The following TSPAN11 variants were observed in gnomAD, a reference collection of about 807,000 sequenced individuals.
TSPAN11 encodes the protein tetraspanin 11.
In TSPAN11, 29 loss-of-function variants were observed where a neutral mutation model predicts 32.9. The observed-to-expected ratio is 0.88, with a 90% CI of 0.66 to 1.20. The LOEUF (loss-of-function observed/expected upper bound fraction) is 1.20, where lower values mean the gene tolerates loss of function less well. Among genes scored for constraint, TSPAN11 ranks in the 50% most tolerant of loss-of-function variants. The probability of loss-of-function intolerance (pLI) is 0.00; values close to 1 mark genes in which losing one functional copy is unlikely to be tolerated. For missense variants in TSPAN11, 283 were observed against 329.1 expected (o/e 0.86, Z 1.08); for synonymous variants, 140 against 141.3 (o/e 0.99, Z 0.07).
intron 1 of TSPAN11, among the ~76,000 whole-genome samples, chr12:30,927,607 G>A (rs1937829051): frequency 6.6e-6 from 1 of 152,092 alleles, no homozygotes; most frequent in Non-Finnish European, 1.5e-5. Flanking sequence ...GTGAGGAGAA[G>A]AGGCAGCTTC....
At chr12:30,945,069 G>T (rs117300210) in intron 1 of TSPAN11, among the ~76,000 whole-genome samples, 1 of 152,062 alleles carries the variant, frequency 6.6e-6, no homozygotes, top group East Asian at 1.9e-4. Flanking sequence ...CATTCCCCCA[G>T]GCCTTTGCTC....
At chr12:31,005,026 A>G in the TSPAN11 span, among the ~76,000 whole-genome samples, 4 of 152,206 alleles carry the variant, frequency 2.6e-5, no homozygotes, top group Non-Finnish European at 4.4e-5. Flanking sequence ...CTCTCCACGC[A>G]TTCTGAGCGA....
At chr12:31,004,484 C>G in the TSPAN11 span, among the ~76,000 whole-genome samples, 2 of 152,176 alleles carry the variant, frequency 1.3e-5, no homozygotes, top group Non-Finnish European at 1.5e-5. Flanking sequence ...CTTTCCCTCC[C>G]TCTCAGCAAG....
intron 1 of TSPAN11, among the ~76,000 whole-genome samples, chr12:30,928,824 C>A (rs1592455112): frequency 6.6e-6 from 1 of 152,322 alleles, no homozygotes; most frequent in East Asian, 1.9e-4. Context: ...ATGATCACAT[C>A]ATTGTTCCTT....
At chr12:30,963,755 G>T in intron 2 of TSPAN11, 71 bp from the exon 3 acceptor site, 4 of 1,524,470 alleles carry the variant, frequency 2.6e-6, no homozygotes, top group Non-Finnish European at 2.7e-6. Context: ...CTGGCACCCT[G>T]TGGGCACTGA....
At chr12:30,933,841 T>C (rs765022375) in intron 1 of TSPAN11, among the ~76,000 whole-genome samples, 39 of 152,090 alleles carry the variant, frequency 2.6e-4, no homozygotes, top group Non-Finnish European at 5.0e-4. Flanking sequence ...TCAGATTGAG[T>C]TGGGATCATT....
the TSPAN11 span, among the ~76,000 whole-genome samples, chr12:31,008,003 T>A: frequency 1.3e-5 from 2 of 152,088 alleles, no homozygotes; most frequent in Non-Finnish European, 2.9e-5. Context: ...AGCTACCCAG[T>A]AGGCAGAAGG....
chr12:30,929,218 C>G (rs1000731635), intron 1 of TSPAN11, among the ~76,000 whole-genome samples: 2 of 152,258 alleles, frequency 1.3e-5, no homozygotes, highest in South Asian at 4.1e-4. Context: ...TTAGAGGGGT[C>G]TTTTCAACTC....
intron 1 of TSPAN11, among the ~76,000 whole-genome samples, chr12:30,943,270 C>G (rs565883626): frequency 1.3e-5 from 2 of 152,282 alleles, no homozygotes; most frequent in African/African-American, 4.8e-5. Context: ...TAGATCTGCA[C>G]AAGGAAAAGT....
the TSPAN11 span, among the ~76,000 whole-genome samples, chr12:31,011,295 G>A: frequency 6.6e-6 from 1 of 152,302 alleles, no homozygotes; most frequent in South Asian, 2.1e-4. Context: ...TCAGGAGGCT[G>A]TCTTTTAGGC....
chr12:31,010,964 G>A, the TSPAN11 span, among the ~76,000 whole-genome samples: 1 of 152,154 alleles, frequency 6.6e-6, no homozygotes, highest in African/African-American at 2.4e-5. Flanking sequence ...TAAATTGTGA[G>A]CTGGCAAGAG....
chr12:31,002,912 C>T, the TSPAN11 span, among the ~76,000 whole-genome samples: 2 of 152,106 alleles, frequency 1.3e-5, no homozygotes, highest in Admixed American at 6.6e-5. This position sits in a 1 kb window ranked among gnomAD's most constrained non-coding sequence, Gnocchi z 4.8. Context: ...AGGGTGACAC[C>T]GCTCCAGCTG....
intron 5 of TSPAN11, among the ~76,000 whole-genome samples, chr12:30,980,656 CT>C (rs1766737338): frequency 6.6e-6 from 1 of 151,910 alleles, no homozygotes; most frequent in Admixed American, 6.6e-5. Context: ...CATGGATCAA[CT>C]GGAAGGCCCC....
intron 7 of TSPAN11, among the ~76,000 whole-genome samples, chr12:30,988,280 CTAGAG>C (rs1275058444): frequency 8.5e-5 from 13 of 152,304 alleles, no homozygotes; most frequent in Middle Eastern, 6.8e-3. Context: ...TGGCTGCATG[CTAGAG>C]TAGAGTTGTT....
intron 1 of TSPAN11, chr12:30,927,085 G>A: frequency 4.8e-6 from 6 of 1,249,700 alleles, no homozygotes; most frequent in African/African-American, 1.6e-5. Context: ...TTGTGCCTTG[G>A]GAGAGAGCTC....
At chr12:30,956,093 G>C (rs867802282) in intron 2 of TSPAN11, among the ~76,000 whole-genome samples, 1 of 152,212 alleles carries the variant, frequency 6.6e-6, no homozygotes, top group South Asian at 2.1e-4. Flanking sequence ...TATTTGCAGA[G>C]AGTGAAGGGA....
chr12:30,964,234 C>G (rs1938680807), intron 3 of TSPAN11, among the ~76,000 whole-genome samples: 1 of 152,124 alleles, frequency 6.6e-6, no homozygotes, highest in Non-Finnish European at 1.5e-5. Context: ...GTGGCAGCTC[C>G]TTCTCCGTAT....
intron 7 of TSPAN11, among the ~76,000 whole-genome samples, chr12:30,984,786 G>C (rs549374094): frequency 9.2e-5 from 14 of 152,154 alleles, no homozygotes; most frequent in Non-Finnish European, 1.9e-4. Context: ...TCGAACTCTT[G>C]ACCTCAGGTG....
intron 1 of TSPAN11, among the ~76,000 whole-genome samples, chr12:30,953,622 T>C (rs900534502): frequency 6.6e-6 from 1 of 152,136 alleles, no homozygotes; most frequent in Non-Finnish European, 1.5e-5. Context: ...TGATGCTGAG[T>C]GTGTGTGTGC....
Sources: allele counts gnomAD v4.1 joint callset (sites outside exome capture counted in the v4.1 genomes callset), GRCh38; gene constraint gnomAD v4.1.1; non-coding constraint Gnocchi (gnomAD v3.1); transcripts MANE v1.5; gene names NCBI Gene and HGNC (gene_info 2026-07-23, HGNC 2026-07-21).